The following ADK variants were observed in gnomAD, a reference collection of about 807,000 sequenced individuals.
ADK encodes adenosine kinase.
A neutral mutation model predicts 44.7 loss-of-function variants in ADK; 24 were observed. The ratio of observed to expected loss-of-function variants is 0.54; its 90% CI spans 0.39 to 0.76. The LOEUF (loss-of-function observed/expected upper bound fraction) is 0.76. Ranked by LOEUF, ADK falls within the 30% of genes least tolerant of loss-of-function variation. The pLI is 0.00. For synonymous variants in ADK, 128 were observed against 142.6 expected (o/e 0.90, Z 0.73); for missense variants, 321 against 425.1 (o/e 0.76, Z 2.15).
intron 2 of ADK, among the ~76,000 whole-genome samples, chr10:74,207,359 G>A (rs547073781): frequency 1.3e-5 from 2 of 152,296 alleles, no homozygotes; most frequent in South Asian, 2.1e-4. Context: ...GCTGAGTGGG[G>A]TGAGGCATAT....
chr10:74,469,770 A>T (rs906638162), intron 6 of ADK, among the ~76,000 whole-genome samples: 2 of 152,196 alleles, frequency 1.3e-5, no homozygotes, highest in African/African-American at 4.8e-5. Context: ...CTCTGTAGCC[A>T]TTGAACAGTA....
chr10:74,465,900 G>A (rs946442976), intron 6 of ADK, among the ~76,000 whole-genome samples: 1 of 152,090 alleles, frequency 6.6e-6, no homozygotes, highest in Non-Finnish European at 1.5e-5. Flanking sequence ...TCTCAAACTT[G>A]TGACTTAGAC....
intron 6 of ADK, among the ~76,000 whole-genome samples, chr10:74,427,164 A>G (rs1328259952): frequency 6.6e-6 from 1 of 152,054 alleles, no homozygotes; most frequent in African/African-American, 2.4e-5. Flanking sequence ...AAGAATTGCA[A>G]ACAAATCCTG....
At chr10:74,427,257 G>GGC (rs1269115859) in intron 6 of ADK, among the ~76,000 whole-genome samples, 3 of 151,986 alleles carry the variant, frequency 2.0e-5, no homozygotes, top group Non-Finnish European at 4.4e-5. Context: ...GGAGTGCAGT[G>GGC]GCGTGATCTC....
At chr10:74,221,090 GC>G (rs1335491738) in intron 2 of ADK, among the ~76,000 whole-genome samples, 4 of 147,886 alleles carry the variant, frequency 2.7e-5, no homozygotes, top group African/African-American at 7.7e-5. Flanking sequence ...GTCCCTGTTT[GC>G]AGACGACATG....
chr10:74,268,190 G>A (rs1324688810), intron 3 of ADK, among the ~76,000 whole-genome samples: 1 of 151,928 alleles, frequency 6.6e-6, no homozygotes, highest in African/African-American at 2.4e-5. Context: ...AGAGATAGTG[G>A]CATGAACCTG....
intron 3 of ADK, among the ~76,000 whole-genome samples, chr10:74,245,562 C>G (rs937253206): frequency 6.7e-6 from 1 of 150,086 alleles, no homozygotes; most frequent in South Asian, 2.1e-4. Context: ...TTAGTGACAA[C>G]AAGTATTCCT....
At chr10:74,677,218 C>T (rs1394766694) in intron 10 of ADK, among the ~76,000 whole-genome samples, 1 of 152,222 alleles carries the variant, frequency 6.6e-6, no homozygotes, top group Non-Finnish European at 1.5e-5. Context: ...GCACTCCAGG[C>T]TGGGTGACAG....
intron 4 of ADK, among the ~76,000 whole-genome samples, chr10:74,383,531 T>C (rs930809814): frequency 6.6e-6 from 1 of 152,168 alleles, no homozygotes; most frequent in East Asian, 1.9e-4. Context: ...AGGAAAAATA[T>C]TTTCCTTCTA....
chr10:74,619,467 A>G (rs1852901755), intron 9 of ADK, among the ~76,000 whole-genome samples: 2 of 152,140 alleles, frequency 1.3e-5, no homozygotes, highest in Non-Finnish European at 1.5e-5. Flanking sequence ...AAAAAAAAAA[A>G]ATCTAGTGGA....
intron 10 of ADK, among the ~76,000 whole-genome samples, chr10:74,692,052 C>G (rs1314008504): frequency 6.6e-6 from 1 of 152,126 alleles, no homozygotes; most frequent in Admixed American, 6.5e-5. Context: ...TACGTCTTCA[C>G]AAAAACCTGC....
rs187230193 is a variant in ADK, at chr10:74,622,428, A to T, written c.877+21935A>T. ...CAGCTCTCTCATCCCTTCTTTATTT[A>T]AAAAAAAAAATTAAGCTTTTCTGCC... On this transcript the variant is annotated intron_variant, in intron 9 of 10. Transcript: ENST00000539909. Among the ~76,000 whole-genome samples the T allele has an allele frequency of 6.6e-3, 977 of 149,144 alleles. 12 individuals are homozygous for T. Among genetic ancestry groups the T allele is most frequent in the African/African-American group, 0.023 (930 of 40,788 alleles).
intron 3 of ADK, among the ~76,000 whole-genome samples, chr10:74,265,302 G>C (rs1160121417): frequency 6.6e-6 from 1 of 151,026 alleles, no homozygotes; most frequent in East Asian, 1.9e-4. Context: ...TGCAACCTCT[G>C]CTTCCTGGGT....
At chr10:74,211,445 T>C (rs1843808202) in intron 2 of ADK, among the ~76,000 whole-genome samples, 1 of 152,220 alleles carries the variant, frequency 6.6e-6, no homozygotes, top group South Asian at 2.1e-4. Flanking sequence ...GGTTACAAAA[T>C]GGTTAGGCTG....
At chr10:74,195,342 G>C (rs1591835046) in intron 1 of ADK, among the ~76,000 whole-genome samples, 1 of 152,168 alleles carries the variant, frequency 6.6e-6, no homozygotes. Context: ...TTGTATTTAA[G>C]AAACTAGCCA....
intron 4 of ADK, among the ~76,000 whole-genome samples, chr10:74,331,608 C>A (rs566337551): frequency 2.6e-5 from 4 of 152,158 alleles, no homozygotes; most frequent in Non-Finnish European, 5.9e-5. Flanking sequence ...TTCAGGCCTC[C>A]CAAGTAGCTG....
chr10:74,336,892 G>T (rs1841427412), intron 4 of ADK, among the ~76,000 whole-genome samples: 1 of 152,092 alleles, frequency 6.6e-6, no homozygotes, highest in Admixed American at 6.5e-5. Flanking sequence ...GTCTGTACCT[G>T]TTCAGTACAG....
chr10:74,662,727 A>C (rs1854784518), intron 9 of ADK, among the ~76,000 whole-genome samples: 1 of 152,168 alleles, frequency 6.6e-6, no homozygotes, highest in Admixed American at 6.5e-5. Flanking sequence ...CAGCAGTCTT[A>C]GTTTGCCAAG....
At chr10:74,691,425 A>G (rs1357213977) in intron 10 of ADK, among the ~76,000 whole-genome samples, 1 of 152,256 alleles carries the variant, frequency 6.6e-6, no homozygotes, top group Non-Finnish European at 1.5e-5. Context: ...CTATGTAATT[A>G]GCTTGTCACT....
Sources: gnomAD v4.1 joint callset for allele counts (sites outside exome capture counted in the v4.1 genomes callset) on GRCh38, gnomAD v4.1.1 for gene constraint, MANE v1.5 for transcripts, NCBI Gene and HGNC (gene_info 2026-07-23, HGNC 2026-07-21) for gene names.